The following CACNA2D4 variants were observed in gnomAD, a reference collection of about 807,000 sequenced individuals.
CACNA2D4 encodes calcium voltage-gated channel auxiliary subunit alpha2delta 4.
A neutral mutation model predicts 163.8 loss-of-function variants in CACNA2D4; 157 were observed. That is an observed-to-expected ratio of 0.96 (90% confidence interval 0.84 to 1.09). The LOEUF (loss-of-function observed/expected upper bound fraction) is 1.09. CACNA2D4 is among the 50% of genes least tolerant of loss of function. CACNA2D4 has a pLI of 0.00. For missense variants in CACNA2D4, 1,410 were observed against 1,479.9 expected (o/e 0.95, Z 0.78); for synonymous variants, 598 against 586.9 (o/e 1.02, Z -0.27).
intron 26 of CACNA2D4, among the ~76,000 whole-genome samples, chr12:1,819,626 G>C (rs1430887563): frequency 6.6e-6 from 1 of 152,162 alleles, no homozygotes; most frequent in Non-Finnish European, 1.5e-5. Context: ...CTCTAGCTTG[G>C]TCCCTGACTC....
rs112591792 is a variant in CACNA2D4 at position 1,858,416 on chromosome 12, C to T, written c.2008+161G>A. Among the ~76,000 whole-genome samples, 281 of 152,288 alleles carry T rather than the reference C, an allele frequency of 1.8e-3. 2 individuals carry two copies. The highest frequency in any genetic ancestry group is 6.5e-3 in the African/African-American group (271 of 41,540). On this transcript the variant is annotated intron_variant, in intron 20 of 37. Coordinates refer to ENST00000382722, the MANE Select transcript of CACNA2D4 (RefSeq NM_172364.5). ...ATGCCCTGGGAGCCAGGGACACACA[C>T]GCCCCTCTCCACCTGGCAGCATTGT...
rs1866686220 is a variant in CACNA2D4, at chr12:1,907,473, C to CAA, written c.746_747dup (p.Gly250LeufsTer14). The stretch of plus-strand genomic sequence containing the variant: ...ATCCTGAAGAATCCAGTTGCACTGC[C>CAA]AAAATATTGCCAGGTCAACGTTGGG... On this transcript the variant is annotated frameshift_variant, in exon 6 of 38. Transcript: ENST00000382722. LOFTEE classifies it high-confidence loss of function. 6.2e-7 allele frequency: 1 copy of CAA among 1,613,830 alleles called. No homozygotes were observed. The highest frequency in any genetic ancestry group is 1.3e-5 in the African/African-American group (1 of 74,926).
At chr12:1,914,792 G>T in intron 2 of CACNA2D4, 62 bp downstream of exon 2, 1 of 1,138,142 alleles carries the variant, frequency 8.8e-7, no homozygotes, top group Admixed American at 1.7e-5. Flanking sequence ...CCGGCATTTG[G>T]GGGCTTCGAT....
At chr12:1,892,962 T>C (rs1866322008) in intron 6 of CACNA2D4, among the ~76,000 whole-genome samples, 1 of 152,188 alleles carries the variant, frequency 6.6e-6, no homozygotes, top group African/African-American at 2.4e-5. Context: ...TAAACCTGTG[T>C]GCACCCAACA....
chr12:1,837,796 C>T (rs1864916233), intron 26 of CACNA2D4, among the ~76,000 whole-genome samples: 1 of 152,180 alleles, frequency 6.6e-6, no homozygotes. Flanking sequence ...CTTCCCGAGC[C>T]CCACTGCAGA....
rs375552481 is a variant in CACNA2D4 at position 1,810,567 on chromosome 12, C to T, written c.2634G>A (p.Pro878=). The T allele has an allele frequency of 1.3e-4, 199 of 1,553,598 alleles. No individual in the cohort carries two copies. In the African/African-American group the frequency reaches 2.2e-3, roughly 17 times the overall value. Residue 878 remains proline, a synonymous_variant, in exon 28 of 38, where the codon CCG becomes CCA. Coordinates refer to ENST00000382722, the MANE Select transcript of CACNA2D4 (RefSeq NM_172364.5). ...ATRQCSTVDG[P]CTQSCEDSDL... is the part of the protein sequence containing the mutation. ...CACTGTCCTCGCAGCTCTGTGTGCA[C>T]GGCCCATCCACAGTGCTGCACTGGA...
intron 32 of CACNA2D4, 81 bp from the exon 33 acceptor site, chr12:1,800,133 G>T: frequency 7.3e-7 from 1 of 1,375,154 alleles, no homozygotes. Context: ...ATCCCTGACA[G>T]CCCCCGGCCC....
In CACNA2D4 at chr12:1,820,395, G is replaced by A. The variant is rs1050411057; in HGVS notation, c.2552-8672C>T. ...CGTGGCCAGGGTGAGCGCTGCCCTC[G>A]CGGCCGGCCGTGGTGCCTCTGGTGT... On this transcript the variant is annotated intron_variant, in intron 26 of 37. Transcript: ENST00000382722. This position sits in a 1 kb window ranked among gnomAD's most constrained non-coding sequence, Gnocchi z 6.0. The A allele has an allele frequency of 1.3e-5, 2 of 152,246 alleles. No individual in the cohort carries two copies. The highest frequency in any genetic ancestry group is 6.5e-5 in the Admixed American group (1 of 15,288). The allele number at this position is 152,246 out of a possible 1,614,324, so 9.4% of individuals were successfully genotyped here.
intron 29 of CACNA2D4, chr12:1,809,605 C>T: frequency 1.4e-6 from 1 of 697,790 alleles, no homozygotes; most frequent in South Asian, 1.5e-5. Flanking sequence ...CTTTTGGAGC[C>T]CAGCAAGTAT....
chr12:1,852,536 T>C (rs964535241), intron 23 of CACNA2D4, among the ~76,000 whole-genome samples: 1 of 152,222 alleles, frequency 6.6e-6, no homozygotes, highest in African/African-American at 2.4e-5. Flanking sequence ...TGAATATTAA[T>C]ATTTATTTAA....
rs1205435494 is a variant in CACNA2D4 at position 1,810,539 on chromosome 12, T to C, written c.2658+4A>G. The C allele has an allele frequency of 5.8e-6, 9 of 1,553,354 alleles. No homozygotes were observed. The highest frequency in any genetic ancestry group is 7.8e-6 in the Non-Finnish European group (9 of 1,147,942). On this transcript the variant is annotated splice_donor_region_variant and intron_variant, in intron 28 of 37. Transcript: ENST00000382722. Reference sequence around the variant, plus strand: ...TCCACCTTCCTCACACGGGCAGAACTTACACTGTCCTCGCAGCTCTGTGTG... The same window carrying C: ...TCCACCTTCCTCACACGGGCAGAACCTACACTGTCCTCGCAGCTCTGTGTG...
chr12:1,898,477 T>C (rs1866456194), intron 6 of CACNA2D4, among the ~76,000 whole-genome samples: 1 of 152,022 alleles, frequency 6.6e-6, no homozygotes, highest in Non-Finnish European at 1.5e-5. Context: ...TGAAAAGATG[T>C]TCAAAGTCAT....
In CACNA2D4 at chr12:1,886,272, G is replaced by A. The variant is rs771090457; in HGVS notation, c.944C>T (p.Thr315Ile). The change falls in exon 8 of 38, where the codon ACC becomes ATC. Residue 315 changes from threonine to isoleucine, a missense_variant. Physicochemically the swap from Thr to Ile is moderately conservative, Grantham distance 89. Transcript: ENST00000382722. ...LRMTIAKHTI[T>I]TILDTLGEND... The stretch of plus-strand genomic sequence containing the variant: ...CTCCCCCAGGGTGTCCAAGATGGTG[G>A]TGATGGTGTGCTTGGCAATAGTCAT... 6.2e-7 allele frequency: 1 copy of A among 1,613,656 alleles called. No homozygotes were observed. The highest frequency in any genetic ancestry group is 1.7e-5 in the Admixed American group (1 of 60,020).
At chr12:1,800,500 C>CG in intron 31 of CACNA2D4, 62 bp from the exon 32 acceptor site, 1 of 1,481,126 alleles carries the variant, frequency 6.8e-7, no homozygotes, top group Admixed American at 1.7e-5. Flanking sequence ...GCCCCCCCCC[C>CG]ACCACCAGCA....
intron 18 of CACNA2D4, among the ~76,000 whole-genome samples, chr12:1,865,584 C>T: frequency 6.6e-6 from 1 of 152,272 alleles, no homozygotes; most frequent in South Asian, 2.1e-4. Flanking sequence ...GGCAGCGAAG[C>T]TGGCCATTAC....
chr12:1,819,001 T>TAAAAAAA (rs34331462), intron 26 of CACNA2D4, among the ~76,000 whole-genome samples: 7 of 127,580 alleles, frequency 5.5e-5, no homozygotes, highest in African/African-American at 2.2e-4. Flanking sequence ...CTAAAAAAAT[T>TAAAAAAA]AAAAAAAAAA....
Position 1,879,011 on chromosome 12 carries a change from A to C in CACNA2D4, c.1589T>G (p.Val530Gly). ...ETRSHGILLG[V>G]VGSDVALREL... ...TCTCAGGGCCACATCTGAGCCCACC[A>C]CACCCAGGAGAATGCCATGGGATCG... The change falls in exon 15 of 38, where the codon GTG becomes GGG. Residue 530 changes from valine to glycine, a missense_variant. Val to Gly is a moderately radical substitution (Grantham distance 109). Coordinates refer to ENST00000382722, the MANE Select transcript of CACNA2D4 (RefSeq NM_172364.5). 1.2e-6 allele frequency: 2 copies of C among 1,613,788 alleles called. No homozygotes were observed. The highest frequency in any genetic ancestry group is 1.1e-5 in the South Asian group (1 of 91,070).
chr12:1,880,553 T>C (rs1865972616), intron 13 of CACNA2D4, among the ~76,000 whole-genome samples: 1 of 152,272 alleles, frequency 6.6e-6, no homozygotes, highest in Admixed American at 6.5e-5. Flanking sequence ...GCTCTGCATG[T>C]GTGCCCCACT....
At chr12:1,818,195 G>A (rs1863949730) in intron 26 of CACNA2D4, among the ~76,000 whole-genome samples, 2 of 150,026 alleles carry the variant, frequency 1.3e-5, no homozygotes, top group South Asian at 4.2e-4. Context: ...GAGAAGTGAG[G>A]AGCGTCTCCG....
Sources: gnomAD v4.1 joint callset for allele counts (sites outside exome capture counted in the v4.1 genomes callset) on GRCh38, gnomAD v4.1.1 for gene constraint, Gnocchi (gnomAD v3.1) non-coding constraint, MANE v1.5 for transcripts, NCBI Gene and HGNC (gene_info 2026-07-23, HGNC 2026-07-21) for gene names.